Variants in COL13A1 observed in about 807,000 individuals in gnomAD.
The protein encoded by COL13A1 is collagen type XIII alpha 1 chain.
COL13A1 carries 89 observed loss-of-function variants against 130.9 expected under a neutral mutation model. That is an observed-to-expected ratio of 0.68 (90% confidence interval 0.57 to 0.81). COL13A1 has a LOEUF of 0.81. COL13A1 is among the 30% of genes least tolerant of loss of function. COL13A1 has a pLI of 0.00. For missense variants in COL13A1, 879 were observed against 934.6 expected (o/e 0.94, Z 0.78); for synonymous variants, 402 against 341.6 (o/e 1.18, Z -1.95).
chr10:69,888,757 G>C (rs1054775971), intron 9 of COL13A1, among the ~76,000 whole-genome samples: 1 of 152,140 alleles, frequency 6.6e-6, no homozygotes, highest in Non-Finnish European at 1.5e-5. Flanking sequence ...CCCCGATTGA[G>C]ACCCCACACG....
chr10:69,921,764 G>A (rs1273811691), intron 21 of COL13A1, 118 bp from the exon 22 acceptor site: 5 of 1,327,662 alleles, frequency 3.8e-6, no homozygotes, highest in Non-Finnish European at 5.3e-6. Flanking sequence ...CCAGCTGGGG[G>A]CAGGGGCACC....
At position 69,802,604 on chromosome 10, in the gene COL13A1, G is replaced by T. The variant is rs1193319633; in HGVS notation, c.181G>T (p.Ala61Ser). The T allele has an allele frequency of 3.1e-6, 5 of 1,612,662 alleles. No homozygotes were observed. The Admixed American group carries it at 5.0e-5, about 16-fold the overall frequency. The stretch of plus-strand genomic sequence containing the variant: ...CTGCTCGCTGGCACTCAGCCTGCTC[G>T]CCCACTTTCGGACGGCCGAGCTGCA... ...ALCSLALSLL[A>S]HFRTAELQAR... Residue 61 changes from alanine to serine, a missense_variant, in exon 1 of 41, where the codon GCC becomes TCC. Transcript: ENST00000645393.
intron 2 of COL13A1, among the ~76,000 whole-genome samples, chr10:69,853,723 C>A (rs1211401154): frequency 6.6e-6 from 1 of 152,146 alleles, no homozygotes; most frequent in Admixed American, 6.5e-5. Flanking sequence ...TTAAACGCAG[C>A]CATGTTAAAG....
At chr10:69,869,484 C>T (rs780676068) in intron 3 of COL13A1, among the ~76,000 whole-genome samples, 10 of 152,290 alleles carry the variant, frequency 6.6e-5, no homozygotes, top group African/African-American at 9.6e-5. Flanking sequence ...TGTCTGATGC[C>T]GTCTGGGTGT....
chr10:69,944,198 G>A lies in COL13A1; in HGVS notation c.1968+20G>A, dbSNP rs767973171. On this transcript the variant is annotated intron_variant, in intron 36 of 40. Coordinates refer to ENST00000645393, the MANE Select transcript of COL13A1 (RefSeq NM_001368882.1). The stretch of plus-strand genomic sequence containing the variant: ...GAGAGGGTGAGTGTCACTGAGCCAG[G>A]GGCCTGGGCGGCCAGGAGGGAGAGG... 1.4e-4 allele frequency: 222 copies of A among 1,611,640 alleles called. No homozygotes were observed. The highest frequency in any genetic ancestry group is 1.8e-4 in the Non-Finnish European group (212 of 1,178,512).
intron 38 of COL13A1, among the ~76,000 whole-genome samples, chr10:69,951,627 A>G (rs1017985730): frequency 3.3e-5 from 5 of 152,154 alleles, no homozygotes; most frequent in African/African-American, 1.2e-4. Context: ...GGCCTCCCAA[A>G]ATGCTGGGAT....
rs763718921 is a variant in COL13A1 at position 69,894,686 on chromosome 10, A to G, written c.642A>G (p.Gly214=). 1.9e-6 allele frequency: 3 copies of G among 1,614,010 alleles called. No homozygotes were observed. The highest frequency in any genetic ancestry group is 2.5e-6 in the Non-Finnish European group (3 of 1,179,882). The change falls in exon 12 of 41, where the codon GGA becomes GGG. Residue 214 remains glycine, a synonymous_variant. Coordinates refer to ENST00000645393, the MANE Select transcript of COL13A1 (RefSeq NM_001368882.1). Reference sequence around the variant, plus strand: ...CCGTCTCTTTGTAGGGACCCCAGGGACAAAAAGGAGAAAAGGTAAGAGCAG... The same window carrying G: ...CCGTCTCTTTGTAGGGACCCCAGGGGCAAAAAGGAGAAAAGGTAAGAGCAG... ...TGPPGQPGPQ[G]QKGEKGQCGE...
chr10:69,811,748 C>T (rs1843098928), intron 1 of COL13A1, among the ~76,000 whole-genome samples: 1 of 152,128 alleles, frequency 6.6e-6, no homozygotes, highest in Non-Finnish European at 1.5e-5. Flanking sequence ...GGTAGGACAT[C>T]TCTGGCTCTT....
At chr10:69,887,886 T>C (rs2060756291) in intron 8 of COL13A1, among the ~76,000 whole-genome samples, 1 of 152,140 alleles carries the variant, frequency 6.6e-6, no homozygotes, top group Non-Finnish European at 1.5e-5. Flanking sequence ...GCCATCTGGG[T>C]GTCCTTGACC....
chr10:69,883,234 G>A lies in COL13A1; in HGVS notation c.513+2681G>A, dbSNP rs2134397415. Among the ~76,000 whole-genome samples, 2 of 152,300 alleles carry A rather than the reference G, an allele frequency of 1.3e-5. 1 individual carries two copies. Among genetic ancestry groups the A allele is most frequent in the East Asian group, 3.9e-4 (2 of 5,172 alleles). ...TTTAAGGGAGGCTCAGTAAATCGAG[G>A]GGGAGCCTGGACCTCCAAGATGCTG... On this transcript the variant is annotated intron_variant, in intron 7 of 40. Transcript: ENST00000645393.
chr10:69,837,241 G>A (rs1850337514), intron 2 of COL13A1, among the ~76,000 whole-genome samples: 1 of 152,220 alleles, frequency 6.6e-6, no homozygotes, highest in Admixed American at 6.5e-5. Context: ...TCCCATGGGG[G>A]ACCTTACCAA....
chr10:69,842,606 G>C (rs1458542936), intron 2 of COL13A1, among the ~76,000 whole-genome samples: 1 of 152,190 alleles, frequency 6.6e-6, no homozygotes, highest in East Asian at 1.9e-4. Context: ...CAGGGGCTGG[G>C]CTTCAGTGCT....
At chr10:69,802,807 C>G in intron 1 of COL13A1, 90 bp downstream of exon 1, 1 of 1,522,798 alleles carries the variant, frequency 6.6e-7, no homozygotes, top group Non-Finnish European at 8.9e-7. Context: ...CGCGGGCGCT[C>G]GCTCTCTGCG....
intron 3 of COL13A1, 91 bp from the exon 4 acceptor site, chr10:69,872,093 T>C (rs1484040626): frequency 6.7e-7 from 1 of 1,486,482 alleles, no homozygotes; most frequent in African/African-American, 1.4e-5. Flanking sequence ...CCAAGTGGCA[T>C]GCCAAGGTCA....
intron 35 of COL13A1, among the ~76,000 whole-genome samples, chr10:69,943,362 G>A (rs757863776): frequency 7.0e-4 from 106 of 152,212 alleles, no homozygotes; most frequent in Non-Finnish European, 1.1e-3. Flanking sequence ...AACAGGAGAC[G>A]CTGAACTAGA....
intron 17 of COL13A1, among the ~76,000 whole-genome samples, chr10:69,911,060 A>C (rs921374666): frequency 7.2e-5 from 11 of 152,168 alleles, no homozygotes; most frequent in Non-Finnish European, 1.2e-4. Flanking sequence ...GGGGCTCCCC[A>C]GAAACAGGAA....
intron 2 of COL13A1, among the ~76,000 whole-genome samples, chr10:69,852,028 G>A (rs1471874325): frequency 6.6e-6 from 1 of 152,172 alleles, no homozygotes; most frequent in Non-Finnish European, 1.5e-5. Flanking sequence ...CAACCACAGA[G>A]GATTTTTTTC....
At chr10:69,948,753 C>T (rs914156039) in intron 38 of COL13A1, among the ~76,000 whole-genome samples, 7 of 152,152 alleles carry the variant, frequency 4.6e-5, no homozygotes, top group Admixed American at 1.3e-4. Context: ...GCTGCAAAAT[C>T]GGTCCTTCAA....
chr10:69,821,808 A>G (rs1225205191), intron 1 of COL13A1, among the ~76,000 whole-genome samples: 1 of 151,942 alleles, frequency 6.6e-6, no homozygotes, highest in Non-Finnish European at 1.5e-5. Context: ...GGGGTGTTCT[A>G]CCTCTCTGAT....
Sources: allele counts gnomAD v4.1 joint callset (sites outside exome capture counted in the v4.1 genomes callset), GRCh38; gene constraint gnomAD v4.1.1; transcripts MANE v1.5; gene names NCBI Gene and HGNC (gene_info 2026-07-23, HGNC 2026-07-21).